Variants in KTN1 observed in about 807,000 individuals in gnomAD.
KTN1 encodes kinectin 1.
Under a neutral mutation model 222.5 loss-of-function variants are expected in KTN1, and 130 were observed. The ratio of observed to expected loss-of-function variants is 0.58; its 90% confidence interval spans 0.51 to 0.68. KTN1 has a LOEUF of 0.68. KTN1 is among the 30% of genes least tolerant of loss of function. KTN1 has a pLI of 0.00. For missense variants in KTN1, 1,508 were observed against 1,500.4 expected (o/e 1.01, Z -0.08); for synonymous variants, 512 against 496.3 (o/e 1.03, Z -0.42).
chr14:55,631,341 G>GATAGATAT (rs1555371424), intron 7 of KTN1, among the ~76,000 whole-genome samples: 5 of 114,718 alleles, frequency 4.4e-5, no homozygotes, highest in Non-Finnish European at 8.6e-5. Flanking sequence ...TGATAAGGTT[G>GATAGATAT]ATATATATAT....
chr14:55,649,444 T>C (rs1201597913), intron 21 of KTN1, among the ~76,000 whole-genome samples: 1 of 152,222 alleles, frequency 6.6e-6, no homozygotes, highest in East Asian at 1.9e-4. Context: ...AGTATACAAA[T>C]ATAAAGTAAG....
At chr14:55,670,914 C>A in intron 35 of KTN1, 105 bp downstream of exon 35, 2 of 681,068 alleles carry the variant, frequency 2.9e-6, no homozygotes, top group Non-Finnish European at 4.9e-6. Context: ...TCGAATAAGG[C>A]TCTTTTGAGA....
intron 1 of KTN1, among the ~76,000 whole-genome samples, chr14:55,591,581 CTTTTTTTTTTTTTTT>C (rs71131297): frequency 1.1e-5 from 1 of 87,680 alleles, no homozygotes; most frequent in African/African-American, 4.4e-5. Flanking sequence ...TTCTCTCTTT[CTTTTTTTTTTTTTTT>C]TTTTTTTTTG....
At chr14:55,584,410 ACAAT>A (rs1291942240) in intron 1 of KTN1, among the ~76,000 whole-genome samples, 5 of 152,288 alleles carry the variant, frequency 3.3e-5, no homozygotes, top group South Asian at 2.1e-4. Context: ...GATAATAAAC[ACAAT>A]CAATGAGGAA....
At chr14:55,651,590 TC>T in intron 24 of KTN1, 1 of 377,136 alleles carries the variant, frequency 2.7e-6, no homozygotes, top group South Asian at 2.8e-5. Context: ...GTTACAGATT[TC>T]TTTATTCCTT....
intron 18 of KTN1, among the ~76,000 whole-genome samples, chr14:55,645,016 C>T (rs1393571540): frequency 6.6e-6 from 1 of 152,078 alleles, no homozygotes; most frequent in African/African-American, 2.4e-5. Flanking sequence ...TTGATTCTTG[C>T]CCTCCTAATA....
intron 1 of KTN1, among the ~76,000 whole-genome samples, chr14:55,597,921 A>C (rs1220162509): frequency 6.6e-6 from 1 of 152,150 alleles, no homozygotes; most frequent in Non-Finnish European, 1.5e-5. Context: ...AATAGATTGT[A>C]AGGTTTAGAA....
At chr14:55,627,265 T>C (rs565753797) in intron 5 of KTN1, among the ~76,000 whole-genome samples, 18 of 152,312 alleles carry the variant, frequency 1.2e-4, no homozygotes, top group African/African-American at 4.3e-4. Flanking sequence ...TTGGTTGATA[T>C]GTATCTAGTT....
In KTN1 at chr14:55,659,682, C is replaced by T. The variant is rs753399027; in HGVS notation, c.2978C>T (p.Pro993Leu). The T allele has an allele frequency of 1.3e-6, 2 of 1,503,342 alleles. No individual in the cohort carries two copies. The highest frequency in any genetic ancestry group is 2.3e-5 in the East Asian group (1 of 44,130). 93.1% of individuals were successfully genotyped at this position (1,503,342 alleles called of 1,614,324 possible). The part of the protein sequence containing the change: ...QNYQQASSFP[P>L]HEELLKVISE... ...TTTTGATAGGCATCTTCTTTTCCCC[C>T]TCATGAAGAATTATTAAAAGTGTAA... Residue 993 changes from proline (P) to leucine (L), a missense_variant, in exon 31 of 44, where the codon CCT (proline) becomes CTT (leucine). Transcript: ENST00000395314.
chr14:55,676,203 C>T (rs10135124), intron 41 of KTN1, among the ~76,000 whole-genome samples: 2,481 of 152,126 alleles, frequency 0.016, 37 homozygotes, highest in African/African-American at 0.043. Context: ...TGGCTGCATC[C>T]ATATATTTTT....
chr14:55,598,850 G>T (rs1341003521), intron 1 of KTN1, among the ~76,000 whole-genome samples: 1 of 152,114 alleles, frequency 6.6e-6, no homozygotes, highest in Non-Finnish European at 1.5e-5. Context: ...AAATTTTGTT[G>T]CCTTTCCTGA....
chr14:55,618,631 G>A (rs1341220794), intron 4 of KTN1, among the ~76,000 whole-genome samples: 1 of 152,096 alleles, frequency 6.6e-6, no homozygotes, highest in Non-Finnish European at 1.5e-5. Flanking sequence ...TGCCTAATAC[G>A]AGAACCTTGG....
chr14:55,671,634 C>T lies in KTN1; in HGVS notation c.3417C>T (p.Tyr1139=), dbSNP rs185468283. The T allele has an allele frequency of 4.8e-5, 77 of 1,611,698 alleles. No individual in the cohort carries two copies. The highest frequency in any genetic ancestry group is 3.3e-5 in the Non-Finnish European group (39 of 1,178,764). Residue 1139 remains tyrosine (Y), a synonymous_variant, in exon 36 of 44, where the codon TAC becomes TAT. Transcript: ENST00000395314. ...HTLLQLECEK[Y]KSVLAETEGI... is the part of the protein sequence containing the mutation. The stretch of plus-strand genomic sequence containing the variant: ...TGTTACAGCTAGAGTGTGAAAAATA[C>T]AAATCCGTCCTTGCAGAAACAGTAG...
intron 1 of KTN1, among the ~76,000 whole-genome samples, chr14:55,584,810 G>C (rs985810653): frequency 6.6e-6 from 1 of 152,070 alleles, no homozygotes; most frequent in Non-Finnish European, 1.5e-5. Flanking sequence ...GCACATAGCA[G>C]GTCCTCAATA....
intron 1 of KTN1, among the ~76,000 whole-genome samples, chr14:55,609,624 T>C (rs2037252805): frequency 6.6e-6 from 1 of 152,228 alleles, no homozygotes; most frequent in Admixed American, 6.5e-5. Context: ...TTTTTCTTTC[T>C]ATACAGGTGA....
At chr14:55,679,926 C>CT (rs1324214171) in intron 43 of KTN1, 3 of 447,294 alleles carry the variant, frequency 6.7e-6, no homozygotes, top group Non-Finnish European at 1.2e-5. Flanking sequence ...AACAGACTCT[C>CT]TTGTAACTTG....
intron 1 of KTN1, among the ~76,000 whole-genome samples, chr14:55,609,125 G>C (rs1480512089): frequency 6.6e-6 from 1 of 151,304 alleles, no homozygotes; most frequent in African/African-American, 2.4e-5. Flanking sequence ...TGCACCTACT[G>C]ACCCATCCTG....
Position 55,616,603 on chromosome 14 carries a change from A to G in KTN1, c.610A>G (p.Ser204Gly). 1 of 1,608,602 alleles carries G rather than the reference A, an allele frequency of 6.2e-7. No individual in the cohort carries two copies. The highest frequency in any genetic ancestry group is 8.5e-7 in the Non-Finnish European group (1 of 1,178,516). Residue 204 changes from serine to glycine, a missense_variant, in exon 3 of 44, where the codon AGT (serine) becomes GGT (glycine). Transcript: ENST00000395314. The part of the protein sequence containing the change: ...LPLHQETKQE[S>G]GSGKKKASSK... ...CCTCCACCAAGAGACTAAACAAGAA[A>G]GTGGATCAGGGAAGAAGAAAGCTTC... is the stretch of plus-strand genomic sequence containing the variant.
chr14:55,613,639 G>GTGTGCCACCACACCCAGTTAATTTT (rs541259428), intron 2 of KTN1, among the ~76,000 whole-genome samples: 5 of 151,624 alleles, frequency 3.3e-5, no homozygotes, highest in Admixed American at 6.6e-5. Context: ...AATTATAGGC[G>GTGTGCCACCACACCCAGTTAATTTT]TGTATTTTTA....
Sources: allele counts gnomAD v4.1 joint callset (sites outside exome capture counted in the v4.1 genomes callset), GRCh38; gene constraint gnomAD v4.1.1; transcripts MANE v1.5; gene names NCBI Gene and HGNC (gene_info 2026-07-23, HGNC 2026-07-21).